The following SCN2A variants were observed in gnomAD, a reference collection of about 807,000 sequenced individuals.
SCN2A encodes the protein sodium channel protein type 2 subunit alpha.
A neutral mutation model predicts 188.7 loss-of-function variants in SCN2A; 20 were observed. The observed-to-expected ratio is 0.11, with a 90% CI of 0.07 to 0.15. The LOEUF (loss-of-function observed/expected upper bound fraction) is 0.15. Among genes scored for constraint, SCN2A ranks in the 10% least tolerant of loss-of-function variants. SCN2A has a pLI of 1.00. For synonymous variants in SCN2A, 804 were observed against 833.1 expected, an observed-to-expected ratio of 0.97 and a Z score of 0.60; for missense variants, 1,278 against 2,445.0, an observed-to-expected ratio of 0.52 and a Z score of 10.07.
rs1696341128 is a variant in SCN2A, at chr2:165,293,813, C to T, written c.-51-1960C>T. ...AAGAAAAGCCTGTGGAAGATCAGTT[C>T]CACAACTGAGAGCTTTGGGCTGCTT... On this transcript the variant is annotated intron_variant, in intron 1 of 26. Transcript: ENST00000375437. The T allele has an allele frequency of 3.0e-6, 3 of 983,988 alleles. No homozygotes were observed. In the South Asian group the frequency reaches 1.4e-4, roughly 46 times the overall value. The allele number at this position is 983,988 out of a possible 1,614,324, so 61.0% of individuals were successfully genotyped here.
chr2:165,274,762 G>C (rs1437951963), intron 1 of SCN2A, among the ~76,000 whole-genome samples: 1 of 152,130 alleles, frequency 6.6e-6, no homozygotes, highest in Admixed American at 6.5e-5. Flanking sequence ...TGCTAAATTT[G>C]GCTGCTGTAC....
intron 15 of SCN2A, among the ~76,000 whole-genome samples, chr2:165,343,593 C>T (rs946108980): frequency 6.6e-6 from 1 of 152,090 alleles, no homozygotes; most frequent in African/African-American, 2.4e-5. Flanking sequence ...GTATTTACTC[C>T]TTTGGGTCAC....
chr2:165,260,400 T>G (rs2106085144), intron 1 of SCN2A, among the ~76,000 whole-genome samples: 1 of 152,288 alleles, frequency 6.6e-6, no homozygotes, highest in East Asian at 1.9e-4. Context: ...GAATAGTTTT[T>G]TTCTGAGCAG....
intron 1 of SCN2A, among the ~76,000 whole-genome samples, chr2:165,240,778 A>G (rs888086175): frequency 1.3e-5 from 2 of 150,946 alleles, no homozygotes; most frequent in Non-Finnish European, 2.9e-5. Flanking sequence ...TAGTTTTGCC[A>G]TGTCAGAGGT....
chr2:165,376,839 A>C (rs1701341334), intron 22 of SCN2A, among the ~76,000 whole-genome samples: 1 of 151,996 alleles, frequency 6.6e-6, no homozygotes, highest in Admixed American at 6.6e-5. Context: ...CACTCATAAT[A>C]ATTCATTCAG....
intron 18 of SCN2A, among the ~76,000 whole-genome samples, chr2:165,366,220 A>G (rs939756729): frequency 6.6e-6 from 1 of 152,200 alleles, no homozygotes; most frequent in Non-Finnish European, 1.5e-5. Context: ...AGAATTGTAG[A>G]CAAATTGCCC....
intron 1 of SCN2A, among the ~76,000 whole-genome samples, chr2:165,243,107 T>C (rs1466258730): frequency 1.3e-5 from 2 of 152,246 alleles, no homozygotes; most frequent in Non-Finnish European, 2.9e-5. Flanking sequence ...ACTTCAGTTA[T>C]CAATTTCTTA....
At chr2:165,258,760 A>T (rs962945681) in intron 1 of SCN2A, among the ~76,000 whole-genome samples, 1 of 152,220 alleles carries the variant, frequency 6.6e-6, no homozygotes, top group East Asian at 1.9e-4. Flanking sequence ...GCCATAAAAG[A>T]TTATAAGATT....
Position 165,239,477 on chromosome 2 carries a change from G to C in SCN2A, c.-215G>C, listed in dbSNP as rs1229550901. The C allele has an allele frequency of 5.0e-6, 1 of 201,066 alleles. No individual in the cohort carries two copies. Among genetic ancestry groups the C allele is most frequent in the African/African-American group, 2.4e-5 (1 of 42,286 alleles). 12.5% of individuals were successfully genotyped at this position (201,066 alleles called of 1,614,324 possible). On this transcript the variant is annotated 5_prime_UTR_variant, in exon 1 of 27. The change abolishes an upstream ATG in the 5' untranslated region. Coordinates refer to ENST00000375437, the MANE Select transcript of SCN2A (RefSeq NM_001040142.2). ...AAAGCTAAGGCAAAGGAGGGAGGAT[G>C]CTGTGGTCATCCTTTCTTGTTTTTT...
Position 165,289,585 on chromosome 2 carries a change from C to G in SCN2A, c.-51-6188C>G, listed in dbSNP as rs543589269. On this transcript the variant is annotated intron_variant, in intron 1 of 26. Transcript: ENST00000375437. The stretch of plus-strand genomic sequence containing the variant: ...TTCACGTAATATATGTCATATAGAA[C>G]TCTCATAAAATATCAGTATGATGTG... 3.9e-5 allele frequency among the ~76,000 whole-genome samples: 6 copies of G among 152,138 alleles called. No homozygotes were observed. The South Asian group carries it at 1.2e-3, about 32-fold the overall frequency.
rs567296452 is a variant in SCN2A at position 165,373,402 on chromosome 2, C to T, written c.3972+55C>T. 7.1e-4 allele frequency: 1,135 copies of T among 1,591,872 alleles called. 3 individuals are homozygous for T. Among genetic ancestry groups the T allele is most frequent in the Non-Finnish European group, 9.1e-4 (1,054 of 1,161,118 alleles). ...AATTATTATTGAGAGCAGACTGACA[C>T]TTTGTACCATGGAAATGTCAAATTT... On this transcript the variant is annotated intron_variant, in intron 21 of 26. Coordinates refer to ENST00000375437, the MANE Select transcript of SCN2A (RefSeq NM_001040142.2).
intron 1 of SCN2A, among the ~76,000 whole-genome samples, chr2:165,261,504 G>T (rs1387293545): frequency 6.6e-6 from 1 of 152,202 alleles, no homozygotes; most frequent in African/African-American, 2.4e-5. Flanking sequence ...TGATTGGTGT[G>T]CTGTTAAATG....
intron 3 of SCN2A, among the ~76,000 whole-genome samples, chr2:165,297,385 T>G (rs1009458774): frequency 6.6e-6 from 1 of 152,236 alleles, no homozygotes; most frequent in Non-Finnish European, 1.5e-5. Flanking sequence ...CCTTACGAAT[T>G]GCTTGCCACA....
intron 3 of SCN2A, 64 bp downstream of exon 3, chr2:165,297,199 AT>A: frequency 1.1e-6 from 1 of 945,134 alleles, no homozygotes. Context: ...TGAGCTACAC[AT>A]TTTCCAAAAT....
At chr2:165,271,055 G>C (rs1339521397) in intron 1 of SCN2A, 4 of 152,122 alleles carry the variant, frequency 2.6e-5, no homozygotes, top group Non-Finnish European at 5.9e-5. Flanking sequence ...AAAAACATTT[G>C]TAAAAATTTT....
chr2:165,295,856 T>C lies in SCN2A; in HGVS notation c.33T>C (p.Pro11=). Residue 11 remains proline, a synonymous_variant, in exon 2 of 27, where the codon CCT becomes CCC. Coordinates refer to ENST00000375437, the MANE Select transcript of SCN2A (RefSeq NM_001040142.2). ...AGTCAGTGCTGGTACCGCCAGGACC[T>C]GACAGCTTCCGCTTCTTTACCAGGG... The part of the protein sequence containing the change: MAQSVLVPPG[P]DSFRFFTRES... 2 of 1,614,186 alleles carry C rather than the reference T, an allele frequency of 1.2e-6. No individual in the cohort carries two copies. The highest frequency in any genetic ancestry group is 1.7e-6 in the Non-Finnish European group (2 of 1,180,030).
chr2:165,305,068 T>G (rs563970629), intron 3 of SCN2A, among the ~76,000 whole-genome samples: 166 of 152,228 alleles, frequency 1.1e-3, no homozygotes, highest in Non-Finnish European at 1.6e-3. Flanking sequence ...GACCATGCAG[T>G]GATATGGGGA....
chr2:165,307,809 T>A, intron 3 of SCN2A, 39 bp from the exon 4 acceptor site: 1 of 1,420,170 alleles, frequency 7.0e-7, no homozygotes, highest in Non-Finnish European at 1.0e-6. Flanking sequence ...AAAAGTAAGA[T>A]TTTTCCATTG....
chr2:165,375,031 C>A, intron 22 of SCN2A, 65 bp downstream of exon 22: 1 of 1,377,520 alleles, frequency 7.3e-7, no homozygotes, highest in Non-Finnish European at 1.0e-6. Context: ...TTTTCTTCCT[C>A]ATAATGAGAT....
Sources: gnomAD v4.1 joint callset for allele counts (sites outside exome capture counted in the v4.1 genomes callset) on GRCh38, gnomAD v4.1.1 for gene constraint, MANE v1.5 for transcripts, NCBI Gene and HGNC (gene_info 2026-07-23, HGNC 2026-07-21) for gene names.